Variants in FCRLB observed in about 807,000 individuals in gnomAD.
FCRLB encodes the protein Fc receptor-like B.
In FCRLB, 34 loss-of-function variants were observed where a neutral mutation model predicts 33.6. The observed-to-expected ratio is 1.01, with a 90% CI of 0.77 to 1.35. The LOEUF (loss-of-function observed/expected upper bound fraction) is 1.35. Ranked by LOEUF, FCRLB falls within the 40% of genes most tolerant of loss-of-function variation. The pLI, the probability that FCRLB is intolerant of heterozygous loss-of-function variation, is 0.00. For missense variants in FCRLB, 560 were observed against 580.2 expected, an observed-to-expected ratio of 0.97 and a Z score of 0.36; for synonymous variants, 280 against 255.9, an observed-to-expected ratio of 1.09 and a Z score of -0.90.
chr1:161,722,792 C>T, intron 3 of FCRLB, 89 bp downstream of exon 3: 3 of 1,553,408 alleles, frequency 1.9e-6, no homozygotes, highest in Non-Finnish European at 2.6e-6. Flanking sequence ...GGTATCCAAT[C>T]CTCAGTTTCC....
In FCRLB at chr1:161,723,018, T is replaced by C; in HGVS notation, c.52+9T>C. 6.2e-7 allele frequency: 1 copy of C among 1,613,936 alleles called. No individual in the cohort carries two copies. The highest frequency in any genetic ancestry group is 8.5e-7 in the Non-Finnish European group (1 of 1,179,994). ...AAGCAGTGGGCAAGCTGGTGAGTCTTATAAATTTCTCATCCCAATTTTCTA... is the reference window on the plus strand; with the variant it reads ...AAGCAGTGGGCAAGCTGGTGAGTCTCATAAATTTCTCATCCCAATTTTCTA... On this transcript the variant is annotated intron_variant, in intron 4 of 7. Transcript: ENST00000367948.
At position 161,726,508 on chromosome 1, in the gene FCRLB, TC is replaced by T; in HGVS notation, c.575-191del. ...CCTGGTCCCTCTTCCTTTCAAGCTT[TC>T]CCCGTCCCTCGTGGACTCGGTCCCC... On this transcript the variant is annotated intron_variant, in intron 6 of 7. Transcript: ENST00000367948. This position sits in a 1 kb window ranked among gnomAD's most constrained non-coding sequence, Gnocchi z 5.2. The T allele has an allele frequency of 1.2e-6, 1 of 818,234 alleles. No homozygotes were observed. Among genetic ancestry groups the T allele is most frequent in the Non-Finnish European group, 2.0e-6 (1 of 491,568 alleles). The allele number at this position is 818,234 out of a possible 1,614,324, so 50.7% of individuals were successfully genotyped here.
At position 161,726,761 on chromosome 1, in the gene FCRLB, G is replaced by A. The variant is rs1432459499; in HGVS notation, c.633G>A (p.Ala211=). The change falls in exon 7 of 8, where the codon GCG becomes GCA. Residue 211 remains alanine (A), a synonymous_variant. Transcript: ENST00000367948. The surrounding 1 kb of genome is among the most constrained non-coding windows in gnomAD (Gnocchi z 5.2). ...GTCCGCGGGAGGCCCGCGGCGCGGC[G>A]CTGGGTGGGGTGGTGCTGCGCTGCG... 1.9e-6 allele frequency: 3 copies of A among 1,585,460 alleles called. No individual in the cohort carries two copies. In the African/African-American group the frequency reaches 4.0e-5, roughly 21 times the overall value.
rs1641195558 is a variant in FCRLB, at chr1:161,721,671, G to C, written c.-117+10G>C. ...TTCTAAACAACCACAGGTAAGGACA[G>C]GATAGAGTCCAAGGAGACACACTAT... is the stretch of plus-strand genomic sequence containing the variant. On this transcript the variant is annotated intron_variant, in intron 1 of 7. Transcript: ENST00000367948. 3 of 152,324 alleles carry C rather than the reference G, an allele frequency of 2.0e-5. No homozygotes were observed. The South Asian group carries it at 6.2e-4, about 32-fold the overall frequency. 9.4% of individuals were successfully genotyped at this position (152,324 alleles called of 1,614,324 possible). A position where few individuals can be genotyped will look rare whatever the true frequency, so the allele number is the denominator to read the frequency against.
Position 161,726,030 on chromosome 1 carries a change from C to A in FCRLB, c.517C>A (p.Arg173Ser). 1 of 1,613,650 alleles carries A rather than the reference C, an allele frequency of 6.2e-7. No individual in the cohort carries two copies. Among genetic ancestry groups the A allele is most frequent in the African/African-American group, 1.3e-5 (1 of 75,066 alleles). ...GCGCTACCAGTGCTCGGGCACCATG[C>A]GCATCCCGGTGGAGAGCGCGCCCAT... is the stretch of plus-strand genomic sequence containing the variant. Residue 173 changes from arginine (R) to serine (S), a missense_variant, in exon 6 of 8, where the codon CGC (arginine) becomes AGC (serine). Arg to Ser is a moderately radical substitution (Grantham distance 110, BLOSUM62 -1). Transcript: ENST00000367948. This position sits in a 1 kb window ranked among gnomAD's most constrained non-coding sequence, Gnocchi z 5.2.
Position 161,726,850 on chromosome 1 carries a change from G to T in FCRLB, c.722G>T (p.Arg241Leu). The change falls in exon 7 of 8, where the codon CGC (arginine) becomes CTC (leucine). Residue 241 changes from arginine to leucine, a missense_variant. Transcript: ENST00000367948. This position sits in a 1 kb window ranked among gnomAD's most constrained non-coding sequence, Gnocchi z 5.2. ...CAGTTCGCGTTTTACAAGTACAGCC[G>T]CGCGGTGCGCCGCTTCGACTGGGGC... 1 of 1,574,242 alleles carries T rather than the reference G, an allele frequency of 6.4e-7. No individual in the cohort carries two copies. Among genetic ancestry groups the T allele is most frequent in the Non-Finnish European group, 8.6e-7 (1 of 1,160,098 alleles).
At chr1:161,725,689 A>T in intron 5 of FCRLB, 132 bp from the exon 6 acceptor site, 1 of 1,115,834 alleles carries the variant, frequency 9.0e-7, no homozygotes, top group Non-Finnish European at 1.3e-6. Context: ...AGAAAAGAAA[A>T]GAAAGCGGTG....
At chr1:161,723,092 C>A in intron 4 of FCRLB, 83 bp downstream of exon 4, 1 of 1,529,306 alleles carries the variant, frequency 6.5e-7, no homozygotes, top group South Asian at 1.1e-5. Context: ...AGACTCCTCA[C>A]TTCTTGGCTG....
chr1:161,727,722 C>A, exon 8 of FCRLB: 1 of 1,493,536 alleles, frequency 6.7e-7, no homozygotes, highest in Non-Finnish European at 8.9e-7. Context: ...CTTCCCCTCA[C>A]GCGAATTTCT....
rs768704080 is a variant in FCRLB at position 161,725,807 on chromosome 1, G to C, written c.308-14G>C. The C allele has an allele frequency of 1.3e-6, 2 of 1,591,332 alleles. No homozygotes were observed. Among genetic ancestry groups the C allele is most frequent in the East Asian group, 4.5e-5 (2 of 44,592 alleles). On this transcript the variant is annotated splice_polypyrimidine_tract_variant and intron_variant, in intron 5 of 7. Coordinates refer to ENST00000367948, the Ensembl canonical transcript of FCRLB. ...TTTCTGTGGAGTCAAGCGTGTCTGT[G>C]GTGTCTGTCGCAGATTGGCTGATTC...
At chr1:161,727,574 T>C in exon 8 of FCRLB, 1 of 1,614,114 alleles carries the variant, frequency 6.2e-7, no homozygotes, top group South Asian at 1.1e-5. Flanking sequence ...CCACAGGCCC[T>C]CCGGGAGCTC....
exon 8 of FCRLB, chr1:161,727,529 G>A (rs34868416): frequency 0.08 from 129,430 of 1,614,042 alleles, 5,569 homozygotes; most frequent in East Asian, 0.095. Context: ...CTGCTCAAAG[G>A]CCTTCTGAGC....
In FCRLB at chr1:161,726,810, C is replaced by A. The variant is rs770113408; in HGVS notation, c.682C>A (p.Arg228Ser). The change falls in exon 7 of 8, where the codon CGC becomes AGC. Residue 228 changes from arginine (R) to serine (S), a missense_variant. Physicochemically the swap from Arg to Ser is moderately radical, Grantham distance 110. Transcript: ENST00000367948. The surrounding 1 kb of genome is among the most constrained non-coding windows in gnomAD (Gnocchi z 5.2). ...CGACACGCGCCTGCACCCGCAGAAG[C>A]GCGACACGCCGCTGCAGTTCGCGTT... is the stretch of plus-strand genomic sequence containing the variant. The A allele has an allele frequency of 1.3e-6, 2 of 1,561,284 alleles. No individual in the cohort carries two copies. Among genetic ancestry groups the A allele is most frequent in the African/African-American group, 1.4e-5 (1 of 73,442 alleles).
Position 161,726,692 on chromosome 1 carries a change from C to T in FCRLB, c.575-11C>T. 6.3e-7 allele frequency: 1 copy of T among 1,585,512 alleles called. No homozygotes were observed. The highest frequency in any genetic ancestry group is 8.5e-7 in the Non-Finnish European group (1 of 1,172,336). ...ACAAGCCGGCGCCGTTGCTCCCCGC[C>T]CTCTCCGTAGAGCTGTTCCGGGCGC... On this transcript the variant is annotated splice_polypyrimidine_tract_variant and intron_variant, in intron 6 of 7. Coordinates refer to ENST00000367948, the Ensembl canonical transcript of FCRLB. This position sits in a 1 kb window ranked among gnomAD's most constrained non-coding sequence, Gnocchi z 5.2.
exon 8 of FCRLB, chr1:161,727,514 T>G: frequency 1.2e-6 from 2 of 1,614,040 alleles, no homozygotes; most frequent in Non-Finnish European, 1.7e-6. Flanking sequence ...CTCCGAGAAA[T>G]GCAGCTGCTC....
Position 161,726,469 on chromosome 1 carries a change from C to G in FCRLB, c.575-234C>G, listed in dbSNP as rs965144594. ...GAGCTGAGTGTCAGTCGGGATGTGACATGAAGCGTCTGGCCTGGTCCCTCT... is the reference window on the plus strand; with the variant it reads ...GAGCTGAGTGTCAGTCGGGATGTGAGATGAAGCGTCTGGCCTGGTCCCTCT... On this transcript the variant is annotated intron_variant, in intron 6 of 7. Coordinates refer to ENST00000367948, the Ensembl canonical transcript of FCRLB. This position sits in a 1 kb window ranked among gnomAD's most constrained non-coding sequence, Gnocchi z 5.2. The G allele has an allele frequency of 6.8e-6, 5 of 737,128 alleles. No homozygotes were observed. In the African/African-American group the frequency reaches 8.6e-5, roughly 13 times the overall value. 45.7% of individuals were successfully genotyped at this position (737,128 alleles called of 1,614,324 possible). A position where few individuals can be genotyped will look rare whatever the true frequency, so the allele number is the denominator to read the frequency against.
chr1:161,723,474 C>T, exon 5 of FCRLB: 1 of 1,614,176 alleles, frequency 6.2e-7, no homozygotes, highest in Non-Finnish European at 8.5e-7. Flanking sequence ...GCTCCTGGAG[C>T]TCCAGCCCAT....
chr1:161,726,050 G>A lies in FCRLB; in HGVS notation c.537G>A (p.Ala179=), dbSNP rs1453329793. Residue 179 remains alanine, a synonymous_variant, in exon 6 of 8, where the codon GCG becomes GCA. Coordinates refer to ENST00000367948, the Ensembl canonical transcript of FCRLB. This position sits in a 1 kb window ranked among gnomAD's most constrained non-coding sequence, Gnocchi z 5.2. Reference sequence around the variant, plus strand: ...CCATGCGCATCCCGGTGGAGAGCGCGCCCATGTTCTCCGCTAAGGTGGCTG... The same window carrying A: ...CCATGCGCATCCCGGTGGAGAGCGCACCCATGTTCTCCGCTAAGGTGGCTG... 5 of 1,612,658 alleles carry A rather than the reference G, an allele frequency of 3.1e-6. No homozygotes were observed. The highest frequency in any genetic ancestry group is 4.2e-6 in the Non-Finnish European group (5 of 1,179,132).
chr1:161,726,943 C>T lies in FCRLB; in HGVS notation c.815C>T (p.Ala272Val). 5.1e-6 allele frequency: 8 copies of T among 1,553,420 alleles called. No individual in the cohort carries two copies. The highest frequency in any genetic ancestry group is 7.0e-6 in the Non-Finnish European group (8 of 1,148,432). The change falls in exon 7 of 8, where the codon GCC becomes GTC. Residue 272 changes from alanine (A) to valine (V), a missense_variant. Ala to Val is a moderately conservative substitution (Grantham distance 64). Coordinates refer to ENST00000367948, the Ensembl canonical transcript of FCRLB. This position sits in a 1 kb window ranked among gnomAD's most constrained non-coding sequence, Gnocchi z 5.2. ...TCGTACTGGTGCGAGGCGGCTACCG[C>T]CACCCGCAGTGTCCGGAAACGCAGT...
Sources: allele counts gnomAD v4.1 joint callset, GRCh38; gene constraint gnomAD v4.1.1; non-coding constraint Gnocchi (gnomAD v3.1); transcripts MANE v1.5; gene names NCBI Gene and HGNC (gene_info 2026-07-23, HGNC 2026-07-21).